The following SLC43A2 variants were observed in gnomAD, a reference collection of about 807,000 sequenced individuals.
SLC43A2 encodes the protein large neutral amino acids transporter small subunit 4.
Under a neutral mutation model 63.2 loss-of-function variants are expected in SLC43A2, and 38 were observed. That is an observed-to-expected ratio of 0.60 (90% confidence interval 0.46 to 0.79). The LOEUF is 0.79. Among genes scored for constraint, SLC43A2 ranks in the 30% least tolerant of loss-of-function variants. The pLI, the probability that SLC43A2 is intolerant of heterozygous loss-of-function variation, is 0.00. For synonymous variants in SLC43A2, 322 were observed against 331.0 expected (o/e 0.97, Z 0.30); for missense variants, 644 against 756.2 (o/e 0.85, Z 1.74).
intron 10 of SLC43A2, 182 bp downstream of exon 10, chr17:1,585,731 A>C (rs367699155): frequency 8.4e-6 from 13 of 1,554,720 alleles, no homozygotes; most frequent in Non-Finnish European, 9.5e-6. Context: ...ATTTCCATAA[A>C]GAGGGGAGCA....
rs868071054 is a variant in SLC43A2 at position 1,595,593 on chromosome 17, G to A, written c.502-2314C>T. Among the ~76,000 whole-genome samples, 211 of 152,024 alleles carry A rather than the reference G, an allele frequency of 1.4e-3. 1 individual carries two copies. Among genetic ancestry groups the A allele is most frequent in the Non-Finnish European group, 2.5e-3 (170 of 68,014 alleles). On this transcript the variant is annotated intron_variant, in intron 5 of 13. Coordinates refer to ENST00000301335, the MANE Select transcript of SLC43A2 (RefSeq NM_152346.3). Reference sequence around the variant, plus strand: ...CCTGTGTGGCTGGGACCACAGGTGTGCACCACCATGCCCGGCTAATTTTTG... The same window carrying A: ...CCTGTGTGGCTGGGACCACAGGTGTACACCACCATGCCCGGCTAATTTTTG...
intron 9 of SLC43A2, 24 bp from the exon 10 acceptor site, chr17:1,586,075 T>A: frequency 6.4e-7 from 1 of 1,553,946 alleles, no homozygotes; most frequent in Non-Finnish European, 8.7e-7. Context: ...CGCTGCGTCA[T>A]GGGGACGCCT....
intron 12 of SLC43A2, 141 bp from the exon 13 acceptor site, chr17:1,576,861 C>CTTT: frequency 6.4e-6 from 5 of 775,366 alleles, no homozygotes; most frequent in Non-Finnish European, 7.4e-6. Context: ...CTGGGCAGTT[C>CTTT]TGTTTTTTTT....
chr17:1,593,355 A>G lies in SLC43A2; in HGVS notation c.502-76T>C. ...GGGGAGGAGGAGGGGACAGAGAACT[A>G]GGCCCCATGAGGCCCCTTCTTCACC... On this transcript the variant is annotated intron_variant, in intron 5 of 13. Transcript: ENST00000301335. This position sits in a 1 kb window ranked among gnomAD's most constrained non-coding sequence, Gnocchi z 5.3. The G allele has an allele frequency of 2.4e-6, 3 of 1,245,216 alleles. No individual in the cohort carries two copies. The highest frequency in any genetic ancestry group is 3.5e-6 in the Non-Finnish European group (3 of 863,786). 77.1% of individuals were successfully genotyped at this position (1,245,216 alleles called of 1,614,324 possible).
intron 5 of SLC43A2, among the ~76,000 whole-genome samples, chr17:1,595,729 G>GC (rs1905230694): frequency 2.6e-5 from 4 of 151,916 alleles, no homozygotes; most frequent in Admixed American, 2.0e-4. Flanking sequence ...ACAGGCATCA[G>GC]CCATCACGCC....
chr17:1,584,970 C>G (rs905418067), intron 10 of SLC43A2, among the ~76,000 whole-genome samples: 2 of 152,156 alleles, frequency 1.3e-5, no homozygotes, highest in Non-Finnish European at 2.9e-5. Context: ...TTTATAGCAA[C>G]TCACTACTCA....
intron 5 of SLC43A2, among the ~76,000 whole-genome samples, chr17:1,594,446 C>A (rs1029814743): frequency 6.6e-6 from 1 of 152,208 alleles, no homozygotes; most frequent in Non-Finnish European, 1.5e-5. Flanking sequence ...CCACACCCAG[C>A]GTCCCTGGCC....
Position 1,577,129 on chromosome 17 carries a change from T to C in SLC43A2, c.1425-409A>G, listed in dbSNP as rs533529208. ...TCTGCCTGCCTCGGCCTCCCAAAGTTCTGGGATTACAGGCGTGAGCCACCG... is the reference window on the plus strand; with the variant it reads ...TCTGCCTGCCTCGGCCTCCCAAAGTCCTGGGATTACAGGCGTGAGCCACCG... On this transcript the variant is annotated intron_variant, in intron 12 of 13. Coordinates refer to ENST00000301335, the MANE Select transcript of SLC43A2 (RefSeq NM_152346.3). The surrounding 1 kb of genome is among the most constrained non-coding windows in gnomAD (Gnocchi z 4.9). Among the ~76,000 whole-genome samples, 1 of 151,912 alleles carries C rather than the reference T, an allele frequency of 6.6e-6. No homozygotes were observed. Among genetic ancestry groups the C allele is most frequent in the African/African-American group, 2.4e-5 (1 of 41,348 alleles).
At chr17:1,579,165 ATAAT>A in intron 11 of SLC43A2, among the ~76,000 whole-genome samples, 1 of 150,418 alleles carries the variant, frequency 6.6e-6, no homozygotes, top group African/African-American at 2.4e-5. Flanking sequence ...AATAATAATA[ATAAT>A]TAAATTATAA....
intron 4 of SLC43A2, 42 bp downstream of exon 4, chr17:1,614,937 C>T (rs1907456077): frequency 5.0e-6 from 8 of 1,606,074 alleles, no homozygotes; most frequent in Non-Finnish European, 6.8e-6. Context: ...AGGGCACTCT[C>T]TCCCCGGTCC....
chr17:1,586,927 A>T, intron 9 of SLC43A2: 73 of 1,355,788 alleles, frequency 5.4e-5, no homozygotes, highest in Non-Finnish European at 6.9e-5. Context: ...TTCCCTGACA[A>T]TCCCCCCCAC....
intron 11 of SLC43A2, among the ~76,000 whole-genome samples, chr17:1,582,962 C>G (rs757045790): frequency 3.3e-5 from 5 of 152,112 alleles, no homozygotes; most frequent in African/African-American, 4.8e-5. Context: ...ACCTGTAATC[C>G]CAGCTACTCG....
intron 3 of SLC43A2, chr17:1,616,254 G>A (rs1022885008): frequency 3.1e-5 from 11 of 359,588 alleles, no homozygotes; most frequent in Non-Finnish European, 3.0e-5. Flanking sequence ...TCACACATGC[G>A]AGGGAAACCC....
chr17:1,591,275 C>T lies in SLC43A2; in HGVS notation c.925G>A (p.Ala309Thr), dbSNP rs1407068447. 6.2e-7 allele frequency: 1 copy of T among 1,603,776 alleles called. No individual in the cohort carries two copies. The highest frequency in any genetic ancestry group is 8.5e-7 in the Non-Finnish European group (1 of 1,179,876). ...TGCGGTCTCAGGCGGGTACCTGCGGCATCCGGCTGGCACTTCACCTCCAGG... is the reference window on the plus strand; with the variant it reads ...TGCGGTCTCAGGCGGGTACCTGCGGTATCCGGCTGGCACTTCACCTCCAGG... ...VDLEVKCQPD[A>T]AVAPSFMHSV... Residue 309 changes from alanine (A) to threonine (T), a missense_variant, in exon 8 of 14, where the codon GCC becomes ACC. Transcript: ENST00000301335.
At position 1,604,867 on chromosome 17, in the gene SLC43A2, C is replaced by A. The variant is rs759795537; in HGVS notation, c.501+8328G>T. The A allele has an allele frequency of 2.6e-6, 4 of 1,535,636 alleles. No individual in the cohort carries two copies. In the South Asian group the frequency reaches 4.8e-5, roughly 18 times the overall value. ...GTCACTCCCCACATTCCCCCTCTCG[C>A]TCACTCCGTCCCCAGCTTCCCTGCC... On this transcript the variant is annotated intron_variant, in intron 5 of 13. Coordinates refer to ENST00000301335, the MANE Select transcript of SLC43A2 (RefSeq NM_152346.3).
At chr17:1,612,074 C>G (rs1414582217) in intron 5 of SLC43A2, among the ~76,000 whole-genome samples, 1 of 152,132 alleles carries the variant, frequency 6.6e-6, no homozygotes, top group African/African-American at 2.4e-5. Context: ...CAGCAATTCT[C>G]CCGCCTCAGC....
At chr17:1,588,070 TG>T (rs1904380962) in intron 9 of SLC43A2, among the ~76,000 whole-genome samples, 2 of 152,364 alleles carry the variant, frequency 1.3e-5, no homozygotes, top group South Asian at 4.1e-4. Context: ...TGGGCACTGC[TG>T]AGGACAGCAT....
chr17:1,594,643 A>T (rs374621717), intron 5 of SLC43A2, among the ~76,000 whole-genome samples: 2 of 131,704 alleles, frequency 1.5e-5, no homozygotes, highest in African/African-American at 5.7e-5. Context: ...GCTGTACTGC[A>T]GTGGCTCTAT....
chr17:1,591,001 G>A (rs550728477), intron 8 of SLC43A2, 53 bp from the exon 9 acceptor site: 36 of 1,528,006 alleles, frequency 2.4e-5, no homozygotes, highest in Non-Finnish European at 2.7e-5. Context: ...CCCCACCACC[G>A]GGGGGACACG....
Sources: gnomAD v4.1 joint callset for allele counts (sites outside exome capture counted in the v4.1 genomes callset) on GRCh38, gnomAD v4.1.1 for gene constraint, Gnocchi (gnomAD v3.1) non-coding constraint, MANE v1.5 for transcripts, NCBI Gene and HGNC (gene_info 2026-07-23, HGNC 2026-07-21) for gene names.